Variants in LIX1 observed in about 807,000 individuals in gnomAD.
LIX1 encodes limb and CNS expressed 1.
In LIX1, 24 loss-of-function variants were observed where a neutral mutation model predicts 33.4. That is an observed-to-expected ratio of 0.72 (90% CI 0.52 to 1.01). LIX1 has a LOEUF of 1.01. Among genes scored for constraint, LIX1 ranks in the 50% least tolerant of loss-of-function variants. LIX1 has a pLI of 0.00. For synonymous variants in LIX1, 124 were observed against 124.0 expected (o/e 1.00, Z 0.00); for missense variants, 311 against 339.2 (o/e 0.92, Z 0.65).
intron 2 of LIX1, among the ~76,000 whole-genome samples, chr5:97,113,368 C>T (rs928417105): frequency 1.3e-5 from 2 of 152,194 alleles, no homozygotes; most frequent in African/African-American, 4.8e-5. Flanking sequence ...AGTTTTCAGG[C>T]TATTTCTTAT....
intron 2 of LIX1, 40 bp downstream of exon 2, chr5:97,124,426 C>T: frequency 1.3e-6 from 2 of 1,539,438 alleles, no homozygotes; most frequent in Non-Finnish European, 1.8e-6. Flanking sequence ...TTATTTTAGC[C>T]CAATGAACTT....
At chr5:97,114,064 C>T (rs1035494499) in intron 2 of LIX1, among the ~76,000 whole-genome samples, 10 of 152,180 alleles carry the variant, frequency 6.6e-5, no homozygotes, top group Non-Finnish European at 1.2e-4. Context: ...TCAGATGTTA[C>T]CTTGTAGGAA....
Sources: allele counts gnomAD v4.1 joint callset (sites outside exome capture counted in the v4.1 genomes callset), GRCh38; gene constraint gnomAD v4.1.1; transcripts MANE v1.5; gene names NCBI Gene and HGNC (gene_info 2026-07-23, HGNC 2026-07-21).